SIPA1L1: variants seen among roughly 807,000 people sequenced by gnomAD.
SIPA1L1 encodes signal-induced proliferation-associated 1-like protein 1.
In SIPA1L1, 26 loss-of-function variants were observed where a neutral mutation model predicts 162.7. The ratio of observed to expected loss-of-function variants is 0.16; its 90% confidence interval spans 0.12 to 0.22. The LOEUF (loss-of-function observed/expected upper bound fraction) is 0.22, where lower values mean the gene tolerates loss of function less well. Among genes scored for constraint, SIPA1L1 ranks in the 10% least tolerant of loss-of-function variants. The probability of loss-of-function intolerance (pLI) is 1.00; values close to 1 mark genes in which losing one functional copy is unlikely to be tolerated. For missense variants in SIPA1L1, 1,874 were observed against 2,241.0 expected, an observed-to-expected ratio of 0.84 and a Z score of 3.31; for synonymous variants, 829 against 837.4, an observed-to-expected ratio of 0.99 and a Z score of 0.17.
intron 4 of SIPA1L1, chr14:71,574,741 A>T (rs7492599): frequency 1.3e-5 from 2 of 151,964 alleles, no homozygotes; most frequent in Non-Finnish European, 2.9e-5. Context: ...ACAAGGTTTT[A>T]TCTTTGAACA....
In SIPA1L1 at chr14:71,539,453, A is replaced by G. The variant is rs572713875; in HGVS notation, c.-303+10083A>G. ...AAAACTATTTGCACATTGAACAAAT[A>G]TGACATATATTGCATTAAAATGAGT... On this transcript the variant is annotated intron_variant, in intron 4 of 23. Coordinates refer to ENST00000381232, the MANE Select transcript of SIPA1L1 (RefSeq NM_001386936.1). Among the ~76,000 whole-genome samples the G allele has an allele frequency of 3.9e-5, 6 of 152,354 alleles. No homozygotes were observed. In the South Asian group the frequency reaches 1.2e-3, roughly 32 times the overall value.
At chr14:71,730,956 C>T (rs143105752) in intron 20 of SIPA1L1, among the ~76,000 whole-genome samples, 206 of 152,130 alleles carry the variant, frequency 1.4e-3, no homozygotes, top group Non-Finnish European at 2.4e-3. Context: ...TGTCTCTGTC[C>T]CACCCCATTC....
At chr14:71,610,478 T>C (rs1261369149) in intron 5 of SIPA1L1, among the ~76,000 whole-genome samples, 8 of 152,240 alleles carry the variant, frequency 5.3e-5, no homozygotes, top group African/African-American at 1.2e-4. Context: ...TTACAGTTTA[T>C]ATTTTTGAAC....
At chr14:71,489,245 T>C (rs116460886) in intron 2 of SIPA1L1, among the ~76,000 whole-genome samples, 1,952 of 152,318 alleles carry the variant, frequency 0.013, 44 homozygotes, top group African/African-American at 0.045. Flanking sequence ...CTATCTCTTA[T>C]GATGCACATC....
intron 2 of SIPA1L1, among the ~76,000 whole-genome samples, chr14:71,325,698 A>G (rs1287080595): frequency 1.3e-5 from 2 of 152,208 alleles, no homozygotes; most frequent in African/African-American, 4.8e-5. Context: ...CGTAGTAAGT[A>G]GTAGTGCATT....
intron 2 of SIPA1L1, among the ~76,000 whole-genome samples, chr14:71,500,493 G>C (rs2050120402): frequency 6.6e-6 from 1 of 152,152 alleles, no homozygotes; most frequent in East Asian, 1.9e-4. Context: ...TCCAAGTGTA[G>C]AGCAATTGGA....
At chr14:71,375,710 T>C (rs1358598453) in intron 2 of SIPA1L1, among the ~76,000 whole-genome samples, 1 of 152,182 alleles carries the variant, frequency 6.6e-6, no homozygotes, top group South Asian at 2.1e-4. Context: ...TTTAGCTTTT[T>C]GTATTTGTCC....
At chr14:71,426,731 A>C (rs2043597174) in intron 2 of SIPA1L1, among the ~76,000 whole-genome samples, 1 of 152,026 alleles carries the variant, frequency 6.6e-6, no homozygotes, top group African/African-American at 2.4e-5. Context: ...ACCTCAAATG[A>C]TCTGCCTGCC....
intron 2 of SIPA1L1, among the ~76,000 whole-genome samples, chr14:71,345,295 T>G (rs1320144890): frequency 6.6e-6 from 1 of 152,128 alleles, no homozygotes; most frequent in Non-Finnish European, 1.5e-5. Flanking sequence ...CTCATGCTCT[T>G]TCATGCACTT....
chr14:71,551,201 G>A (rs2055793678), intron 4 of SIPA1L1, among the ~76,000 whole-genome samples: 1 of 152,114 alleles, frequency 6.6e-6, no homozygotes, highest in African/African-American at 2.4e-5. Context: ...TTGATCCCAG[G>A]AATTGGAAGC....
chr14:71,428,155 C>A (rs987619938), intron 2 of SIPA1L1, among the ~76,000 whole-genome samples: 3 of 151,512 alleles, frequency 2.0e-5, no homozygotes, highest in Non-Finnish European at 4.4e-5. Flanking sequence ...ACTGTGCCTG[C>A]TAATTTTTGT....
At chr14:71,419,218 C>G (rs918276095) in intron 2 of SIPA1L1, among the ~76,000 whole-genome samples, 4 of 150,334 alleles carry the variant, frequency 2.7e-5, no homozygotes, top group Non-Finnish European at 4.4e-5. Context: ...AGCTAACGGA[C>G]TTTGTTTTCT....
In SIPA1L1 at chr14:71,735,366, C is replaced by G. The variant is rs1281532521; in HGVS notation, c.5098C>G (p.Leu1700Val). The change falls in exon 22 of 24, where the codon CTG (leucine) becomes GTG (valine). Residue 1700 changes from leucine (L) to valine (V), a missense_variant. Around this residue, in one of 5 missense-constraint regions of SIPA1L1, gnomAD observed 936 missense variants for 1,051.9 expected, o/e 0.89. Transcript: ENST00000381232. ...SNSDQLEDQA[L>V]AQMKPYSSSK... The stretch of plus-strand genomic sequence containing the variant: ...CAGTGATCAGCTGGAGGACCAGGCT[C>G]TGGCCCAGATGAAGCCTTACAGCAG... 4.3e-6 allele frequency: 7 copies of G among 1,613,902 alleles called. No homozygotes were observed. The highest frequency in any genetic ancestry group is 1.1e-5 in the South Asian group (1 of 91,082).
intron 7 of SIPA1L1, among the ~76,000 whole-genome samples, chr14:71,639,270 C>T (rs2041465209): frequency 6.6e-6 from 1 of 152,062 alleles, no homozygotes; most frequent in Non-Finnish European, 1.5e-5. Context: ...TTTAACCAGG[C>T]ATGGTGGTGT....
At chr14:71,455,778 A>G (rs554440956) in intron 2 of SIPA1L1, among the ~76,000 whole-genome samples, 3 of 152,232 alleles carry the variant, frequency 2.0e-5, no homozygotes, top group South Asian at 2.1e-4. Flanking sequence ...GAACCTACAT[A>G]TGTTTGCTTT....
chr14:71,548,068 T>G (rs1158447242), intron 4 of SIPA1L1, among the ~76,000 whole-genome samples: 1 of 152,218 alleles, frequency 6.6e-6, no homozygotes, highest in Non-Finnish European at 1.5e-5. Flanking sequence ...TTTTAGATAA[T>G]TAAATTATAA....
At chr14:71,358,283 A>C (rs763431873) in intron 2 of SIPA1L1, among the ~76,000 whole-genome samples, 2 of 152,250 alleles carry the variant, frequency 1.3e-5, no homozygotes, top group Non-Finnish European at 2.9e-5. Context: ...AAACACACCA[A>C]GCATACCTAA....
intron 7 of SIPA1L1, among the ~76,000 whole-genome samples, chr14:71,636,680 G>A (rs554525775): frequency 2.6e-5 from 4 of 152,242 alleles, no homozygotes; most frequent in South Asian, 4.1e-4. Context: ...TAGAAAGAAG[G>A]AAATGGTATA....
chr14:71,543,706 T>C (rs1334688509), intron 4 of SIPA1L1, among the ~76,000 whole-genome samples: 1 of 151,314 alleles, frequency 6.6e-6, no homozygotes, highest in Non-Finnish European at 1.5e-5. Context: ...TTTTTCTTTT[T>C]TTTTTTTTTG....
Sources: gnomAD v4.1 joint callset for allele counts (sites outside exome capture counted in the v4.1 genomes callset) on GRCh38, gnomAD v4.1.1 for gene constraint, gnomAD v4.1.1 regional missense constraint, MANE v1.5 for transcripts, NCBI Gene and HGNC (gene_info 2026-07-23, HGNC 2026-07-21) for gene names.